Variants in MDGA2 observed in about 807,000 individuals in gnomAD.
The protein encoded by MDGA2 is MAM domain containing glycosylphosphatidylinositol anchor 2, also known as MAM domain-containing glycosylphosphatidylinositol anchor protein 2.
Under a neutral mutation model 117.8 loss-of-function variants are expected in MDGA2, and 40 were observed. The observed-to-expected ratio is 0.34, with a 90% CI of 0.26 to 0.44. MDGA2 has a LOEUF of 0.44. Ranked by LOEUF, MDGA2 falls within the 20% of genes least tolerant of loss-of-function variation. The pLI is 1.00. For missense variants in MDGA2, 1,123 were observed against 1,250.6 expected (o/e 0.90, Z 1.54); for synonymous variants, 452 against 439.0 (o/e 1.03, Z -0.37).
intron 1 of MDGA2, 140 bp downstream of exon 1, chr14:47,674,377 C>T (rs1898135423): frequency 2.8e-6 from 2 of 710,682 alleles, no homozygotes; most frequent in South Asian, 1.9e-5. Context: ...GCCTCTTTAT[C>T]GCTCCCAATA....
intron 5 of MDGA2, among the ~76,000 whole-genome samples, chr14:47,107,709 T>C (rs2139038912): frequency 6.6e-6 from 1 of 151,506 alleles, no homozygotes; most frequent in East Asian, 1.9e-4. Flanking sequence ...ACAACTCCTT[T>C]CCTTCCTAGG....
chr14:47,614,258 T>G (rs1044454215), intron 1 of MDGA2, among the ~76,000 whole-genome samples: 2 of 151,992 alleles, frequency 1.3e-5, no homozygotes, highest in Non-Finnish European at 2.9e-5. Flanking sequence ...TTGCGCTAAT[T>G]TTTTTATTTT....
chr14:47,020,960 CA>C, intron 8 of MDGA2, among the ~76,000 whole-genome samples: 1 of 152,008 alleles, frequency 6.6e-6, no homozygotes, highest in East Asian at 1.9e-4. Context: ...AGGCATTTGA[CA>C]AAAAATGGCT....
At position 47,608,849 on chromosome 14, in the gene MDGA2, A is replaced by C. The variant is rs142128902; in HGVS notation, c.280+65668T>G. Among the ~76,000 whole-genome samples, 54 of 152,222 alleles carry C rather than the reference A, an allele frequency of 3.5e-4. 3 individuals are homozygous for C. The highest frequency in any genetic ancestry group is 1.2e-3 in the African/African-American group (51 of 41,566). On this transcript the variant is annotated intron_variant, in intron 1 of 16. Coordinates refer to ENST00000399232, the MANE Select transcript of MDGA2 (RefSeq NM_001113498.3). ...GATGACATGTGACTTGGATGAGGGTAGTAGCAGAGAAACCGGCTGGATTCT... is the reference window on the plus strand; with the variant it reads ...GATGACATGTGACTTGGATGAGGGTCGTAGCAGAGAAACCGGCTGGATTCT...
intron 5 of MDGA2, among the ~76,000 whole-genome samples, chr14:47,122,688 C>T (rs1381267692): frequency 6.6e-6 from 1 of 152,056 alleles, no homozygotes; most frequent in African/African-American, 2.4e-5. Context: ...GCTCAAAAAT[C>T]ATCAAGAAAT....
chr14:47,130,195 A>C (rs1330640813), intron 5 of MDGA2, among the ~76,000 whole-genome samples: 2 of 151,970 alleles, frequency 1.3e-5, no homozygotes, highest in South Asian at 2.1e-4. Context: ...GGTAATGCCT[A>C]GGTTTTCTTC....
At chr14:47,372,752 T>C (rs1283600838) in intron 1 of MDGA2, among the ~76,000 whole-genome samples, 2 of 151,922 alleles carry the variant, frequency 1.3e-5, no homozygotes, top group Non-Finnish European at 2.9e-5. Context: ...AAAACATATG[T>C]AAAAAATGAT....
chr14:47,516,659 G>A (rs1356027492), intron 1 of MDGA2, among the ~76,000 whole-genome samples: 1 of 152,150 alleles, frequency 6.6e-6, no homozygotes, highest in African/African-American at 2.4e-5. Flanking sequence ...TGCCATGTGG[G>A]AAGCTGACCT....
chr14:47,565,779 C>G (rs1020466425), intron 1 of MDGA2, among the ~76,000 whole-genome samples: 1 of 152,150 alleles, frequency 6.6e-6, no homozygotes, highest in Non-Finnish European at 1.5e-5. Context: ...ACATTCATAC[C>G]CATGGCCGTG....
chr14:47,467,530 G>C (rs1893629296), intron 1 of MDGA2, among the ~76,000 whole-genome samples: 1 of 152,044 alleles, frequency 6.6e-6, no homozygotes, highest in African/African-American at 2.4e-5. Context: ...GGTTTTGATA[G>C]CTTGTCATAA....
chr14:47,453,269 A>T (rs999184506), intron 1 of MDGA2, among the ~76,000 whole-genome samples: 7 of 152,072 alleles, frequency 4.6e-5, no homozygotes, highest in Non-Finnish European at 8.8e-5. Flanking sequence ...CAGCTTTGTC[A>T]TATTTCTTAA....
At chr14:47,651,419 C>A in intron 1 of MDGA2, among the ~76,000 whole-genome samples, 1 of 152,068 alleles carries the variant, frequency 6.6e-6, no homozygotes, top group East Asian at 1.9e-4. Flanking sequence ...GTATCTCCAC[C>A]ACAGTGCTTA....
chr14:47,639,022 A>G (rs1312040125), intron 1 of MDGA2, among the ~76,000 whole-genome samples: 2 of 152,116 alleles, frequency 1.3e-5, no homozygotes, highest in African/African-American at 4.8e-5. Flanking sequence ...CTCTACCCTA[A>G]CTTCATCACA....
chr14:46,868,374 AGGG>A (rs1881862195), intron 14 of MDGA2, among the ~76,000 whole-genome samples: 1 of 151,968 alleles, frequency 6.6e-6, no homozygotes, highest in Non-Finnish European at 1.5e-5. Context: ...CATGCAGGGC[AGGG>A]TGTCATCAGA....
chr14:46,859,199 G>A (rs999896825), intron 14 of MDGA2, among the ~76,000 whole-genome samples: 1 of 152,066 alleles, frequency 6.6e-6, no homozygotes, highest in Non-Finnish European at 1.5e-5. Flanking sequence ...GCTGCCAGGG[G>A]TTTTATGAGA....
At chr14:47,056,088 A>G (rs1244178367) in intron 7 of MDGA2, among the ~76,000 whole-genome samples, 1 of 152,154 alleles carries the variant, frequency 6.6e-6, no homozygotes, top group Non-Finnish European at 1.5e-5. Context: ...CTACTTACAT[A>G]AAATAACCTA....
At chr14:47,205,957 T>G (rs1885667208) in intron 3 of MDGA2, among the ~76,000 whole-genome samples, 1 of 152,074 alleles carries the variant, frequency 6.6e-6, no homozygotes, top group Admixed American at 6.6e-5. Flanking sequence ...AATGCTTCAC[T>G]ATATACTGTA....
rs1003178016 is a variant in MDGA2 at position 46,956,633 on chromosome 14, C to T, written c.2089+741G>A. The stretch of plus-strand genomic sequence containing the variant: ...GAAAACCAGAGCAATTATCTATTCA[C>T]ATGAGATTTGAATAGAAAAAAAAAA... On this transcript the variant is annotated intron_variant, in intron 9 of 16. Transcript: ENST00000399232. 2.7e-5 allele frequency among the ~76,000 whole-genome samples: 4 copies of T among 149,762 alleles called. No individual in the cohort carries two copies. In the East Asian group the frequency reaches 5.8e-4, roughly 22 times the overall value.
chr14:47,276,699 C>G (rs538801774), intron 2 of MDGA2, among the ~76,000 whole-genome samples: 1 of 152,268 alleles, frequency 6.6e-6, no homozygotes, highest in Admixed American at 6.5e-5. Context: ...TACGTGATGA[C>G]TATTCTGTGC....
Sources: gnomAD v4.1 joint callset for allele counts (sites outside exome capture counted in the v4.1 genomes callset) on GRCh38, gnomAD v4.1.1 for gene constraint, MANE v1.5 for transcripts, NCBI Gene and HGNC (gene_info 2026-07-23, HGNC 2026-07-21) for gene names.